The following AFG1L variants were observed in gnomAD, a reference collection of about 807,000 sequenced individuals.
AFG1L encodes AFG1-like ATPase.
AFG1L carries 53 observed loss-of-function variants against 62.2 expected under a neutral mutation model. That is an observed-to-expected ratio of 0.85 (90% CI 0.68 to 1.07). The LOEUF (loss-of-function observed/expected upper bound fraction) is 1.07, where lower values mean the gene tolerates loss of function less well. Ranked by LOEUF, AFG1L falls within the 50% of genes least tolerant of loss-of-function variation. AFG1L has a pLI of 0.00. For missense variants in AFG1L, 555 were observed against 590.5 expected (o/e 0.94, Z 0.62); for synonymous variants, 228 against 210.3 (o/e 1.08, Z -0.73).
At chr6:108,519,174 A>C (rs750750949) in intron 11 of AFG1L, among the ~76,000 whole-genome samples, 1 of 152,180 alleles carries the variant, frequency 6.6e-6, no homozygotes, top group Non-Finnish European at 1.5e-5. Context: ...TTGTTCTCGC[A>C]TGGTGGAAGG....
At chr6:108,441,273 A>G (rs181483744) in intron 7 of AFG1L, among the ~76,000 whole-genome samples, 389 of 152,270 alleles carry the variant, frequency 2.6e-3, no homozygotes, top group Non-Finnish European at 3.8e-3. Context: ...GATTTTGGGG[A>G]CAATATAAAC....
At chr6:108,341,389 G>T (rs975728895) in intron 2 of AFG1L, among the ~76,000 whole-genome samples, 1 of 152,208 alleles carries the variant, frequency 6.6e-6, no homozygotes, top group African/African-American at 2.4e-5. Context: ...GTGTCAAAGG[G>T]TGTGATGTTT....
intron 10 of AFG1L, among the ~76,000 whole-genome samples, chr6:108,504,916 G>T (rs375473017): frequency 6.6e-6 from 1 of 152,172 alleles, no homozygotes; most frequent in South Asian, 2.1e-4. Context: ...CTATTTAACT[G>T]CCTGTATCCC....
rs538002209 is a variant in AFG1L, at chr6:108,515,690, CA to C, written c.1204-4001del. On this transcript the variant is annotated intron_variant, in intron 11 of 12. Coordinates refer to ENST00000368977, the MANE Select transcript of AFG1L (RefSeq NM_145315.5). ...GAAAATAGAGACACAAAAAACCCTTCAAAAAATCAATGAATCCAGGAGCTGG... is the reference window on the plus strand; with the variant it reads ...GAAAATAGAGACACAAAAAACCCTTCAAAAATCAATGAATCCAGGAGCTGG... Among the ~76,000 whole-genome samples the C allele has an allele frequency of 6.4e-3, 973 of 152,150 alleles. 5 individuals carry two copies. The highest frequency in any genetic ancestry group is 0.023 in the African/African-American group (934 of 41,498).
chr6:108,516,285 T>A (rs1298424884), intron 11 of AFG1L, among the ~76,000 whole-genome samples: 1 of 152,098 alleles, frequency 6.6e-6, no homozygotes, highest in Non-Finnish European at 1.5e-5. Context: ...CAGCAGCACA[T>A]CAAAAAGCTT....
At position 108,519,746 on chromosome 6, in the gene AFG1L, A is replaced by G; in HGVS notation, c.1253A>G (p.His418Arg). Residue 418 changes from histidine (H) to arginine (R), a missense_variant, in exon 12 of 13, where the codon CAT becomes CGT. Coordinates refer to ENST00000368977, the MANE Select transcript of AFG1L (RefSeq NM_145315.5). Reference protein sequence around the residue: ...ASTPISSLFLHQHHDSELEQS... With the variant: ...ASTPISSLFLRQHHDSELEQS... ...ACTCCTATATCAAGCTTATTTTTGC[A>G]TCAACATCATGACAGTGAGTTGGAG... The G allele has an allele frequency of 1.2e-6, 2 of 1,613,562 alleles. No homozygotes were observed. The highest frequency in any genetic ancestry group is 1.7e-6 in the Non-Finnish European group (2 of 1,179,738).
At chr6:108,513,473 G>T (rs535724940) in intron 11 of AFG1L, among the ~76,000 whole-genome samples, 2 of 152,194 alleles carry the variant, frequency 1.3e-5, no homozygotes, top group Non-Finnish European at 2.9e-5. Context: ...TATATCCCGC[G>T]CATGGCTTGG....
intron 7 of AFG1L, among the ~76,000 whole-genome samples, chr6:108,435,194 C>T (rs966137114): frequency 1.3e-5 from 2 of 152,128 alleles, no homozygotes; most frequent in Non-Finnish European, 2.9e-5. Context: ...ACACACATAA[C>T]GATTATAAAC....
rs1779161611 is a variant in AFG1L at position 108,353,615 on chromosome 6, G to A, written c.416-2039G>A. Among the ~76,000 whole-genome samples, 6 of 151,430 alleles carry A rather than the reference G, an allele frequency of 4.0e-5. No individual in the cohort carries two copies. The South Asian group carries it at 1.3e-3, about 32-fold the overall frequency. ...ATAGTCGTTCTAATGTATGTGAAGT[G>A]GTATCTTGTAGTTTTGATTTGCTTT... On this transcript the variant is annotated intron_variant, in intron 3 of 12. Coordinates refer to ENST00000368977, the MANE Select transcript of AFG1L (RefSeq NM_145315.5).
At chr6:108,393,251 A>T (rs892082352) in intron 6 of AFG1L, among the ~76,000 whole-genome samples, 1 of 152,120 alleles carries the variant, frequency 6.6e-6, no homozygotes, top group African/African-American at 2.4e-5. Context: ...AACAGCTAAT[A>T]TTAAAAATTT....
In AFG1L at chr6:108,342,766, G is replaced by A. The variant is rs573265809; in HGVS notation, c.364-4222G>A. ...AATATTGTTTAGATAGACTATGTCT[G>A]TGTCTAATGATTCTCGTTAGGAGGG... On this transcript the variant is annotated intron_variant, in intron 2 of 12. Coordinates refer to ENST00000368977, the MANE Select transcript of AFG1L (RefSeq NM_145315.5). Among the ~76,000 whole-genome samples, 102 of 152,192 alleles carry A rather than the reference G, an allele frequency of 6.7e-4. No homozygotes were observed. The Middle Eastern group carries it at 0.01, about 15-fold the overall frequency.
At chr6:108,418,405 C>A (rs1270731024) in intron 7 of AFG1L, among the ~76,000 whole-genome samples, 1 of 152,144 alleles carries the variant, frequency 6.6e-6, no homozygotes, top group Non-Finnish European at 1.5e-5. Flanking sequence ...TAGTATCTGA[C>A]CCTTTACAGG....
chr6:108,454,159 G>A (rs1772164843), intron 8 of AFG1L, among the ~76,000 whole-genome samples: 1 of 152,050 alleles, frequency 6.6e-6, no homozygotes, highest in African/African-American at 2.4e-5. Flanking sequence ...TCTCTCATGT[G>A]TCTTTTAGAC....
At chr6:108,362,029 G>T (rs1442218894) in intron 5 of AFG1L, among the ~76,000 whole-genome samples, 1 of 152,152 alleles carries the variant, frequency 6.6e-6, no homozygotes, top group African/African-American at 2.4e-5. Context: ...ATAAATAAAT[G>T]AATGAATGAA....
At chr6:108,483,873 G>A (rs1213794262) in intron 10 of AFG1L, among the ~76,000 whole-genome samples, 2 of 152,102 alleles carry the variant, frequency 1.3e-5, no homozygotes, top group Non-Finnish European at 2.9e-5. Context: ...TATCATATTA[G>A]TGTATATATC....
At chr6:108,373,434 G>A (rs185884823) in intron 6 of AFG1L, among the ~76,000 whole-genome samples, 11 of 152,094 alleles carry the variant, frequency 7.2e-5, no homozygotes, top group East Asian at 5.8e-4. Flanking sequence ...TCATCCAGTC[G>A]TCATTAATGG....
chr6:108,498,619 C>T (rs1774059110), intron 10 of AFG1L, among the ~76,000 whole-genome samples: 1 of 152,120 alleles, frequency 6.6e-6, no homozygotes, highest in Non-Finnish European at 1.5e-5. Context: ...TTGGTGAAAA[C>T]ATTCATTATA....
chr6:108,332,902 A>G (rs368059092), intron 2 of AFG1L, among the ~76,000 whole-genome samples: 6 of 152,162 alleles, frequency 3.9e-5, no homozygotes, highest in African/African-American at 1.4e-4. Context: ...CATCACGCCC[A>G]GCCAGAAGAA....
chr6:108,409,068 G>T (rs1197144701), intron 7 of AFG1L, among the ~76,000 whole-genome samples: 1 of 152,114 alleles, frequency 6.6e-6, no homozygotes, highest in Admixed American at 6.6e-5. Flanking sequence ...TACAGATAAC[G>T]TGAGTGGAAA....
Sources: allele counts gnomAD v4.1 joint callset (sites outside exome capture counted in the v4.1 genomes callset), GRCh38; gene constraint gnomAD v4.1.1; transcripts MANE v1.5; gene names NCBI Gene and HGNC (gene_info 2026-07-23, HGNC 2026-07-21).